Variants in LIPC observed in about 807,000 individuals in gnomAD.
The protein encoded by LIPC is lipase C, hepatic type, also known as hepatic triacylglycerol lipase.
LIPC carries 44 observed loss-of-function variants against 50.7 expected under a neutral mutation model. The observed-to-expected ratio is 0.87, with a 90% CI of 0.68 to 1.11. The LOEUF is 1.11. Ranked by LOEUF, LIPC falls within the 50% of genes most tolerant of loss-of-function variation. The pLI is 0.00. For synonymous variants in LIPC, 271 were observed against 256.4 expected (o/e 1.06, Z -0.54); for missense variants, 697 against 648.2 (o/e 1.08, Z -0.82).
At chr15:58,476,080 G>A (rs764131776) in intron 1 of LIPC, among the ~76,000 whole-genome samples, 5 of 152,216 alleles carry the variant, frequency 3.3e-5, no homozygotes, top group Non-Finnish European at 4.4e-5. Flanking sequence ...GACAACCTTA[G>A]GAAGAGAGCA....
chr15:58,557,494 C>G (rs1372770379), intron 6 of LIPC, among the ~76,000 whole-genome samples: 1 of 145,104 alleles, frequency 6.9e-6, no homozygotes, highest in Non-Finnish European at 1.5e-5. Context: ...ACACCATTCT[C>G]CTGCCTCAGC....
At chr15:58,459,936 T>C (rs1417231390) in intron 1 of LIPC, among the ~76,000 whole-genome samples, 1 of 152,120 alleles carries the variant, frequency 6.6e-6, no homozygotes, top group African/African-American at 2.4e-5. Context: ...AGTTGGTGGG[T>C]GCAGCAGGCT....
chr15:58,459,229 C>T (rs1314991359), intron 1 of LIPC, among the ~76,000 whole-genome samples: 1 of 152,132 alleles, frequency 6.6e-6, no homozygotes, highest in African/African-American at 2.4e-5. Flanking sequence ...GGGTCAAAGC[C>T]TAGTGAAACT....
intron 8 of LIPC, chr15:58,565,489 G>A (rs1254692978): frequency 7.2e-7 from 1 of 1,388,536 alleles, no homozygotes; most frequent in Non-Finnish European, 9.3e-7. Context: ...CACGGGGTGA[G>A]CATTGAAGCA....
At chr15:58,503,643 A>G (rs1281080761) in intron 1 of LIPC, among the ~76,000 whole-genome samples, 1 of 152,254 alleles carries the variant, frequency 6.6e-6, no homozygotes, top group Non-Finnish European at 1.5e-5. Flanking sequence ...TGTGAAGGGC[A>G]GGGTTCCACT....
At chr15:58,543,554 C>T (rs543949799) in intron 4 of LIPC, among the ~76,000 whole-genome samples, 34 of 152,312 alleles carry the variant, frequency 2.2e-4, no homozygotes, top group African/African-American at 6.7e-4. Context: ...CCAGCAGGCT[C>T]AAACAATATT....
At chr15:58,559,864 A>G (rs375459122) in intron 6 of LIPC, among the ~76,000 whole-genome samples, 8 of 152,190 alleles carry the variant, frequency 5.3e-5, no homozygotes, top group African/African-American at 1.9e-4. Context: ...AGGTAGGATA[A>G]TTTTCAAAAC....
At chr15:58,448,633 T>C (rs1442521407) in intron 1 of LIPC, among the ~76,000 whole-genome samples, 2 of 152,212 alleles carry the variant, frequency 1.3e-5, no homozygotes, top group African/African-American at 4.8e-5. Flanking sequence ...GCCTTCACCA[T>C]ATGCCAGGCC....
chr15:58,505,503 C>T (rs368286184), intron 1 of LIPC, among the ~76,000 whole-genome samples: 14 of 152,164 alleles, frequency 9.2e-5, no homozygotes, highest in East Asian at 3.8e-4. Flanking sequence ...GGTCTGCCAG[C>T]TTGGTAGGGA....
chr15:58,449,398 A>G (rs1387709957), intron 1 of LIPC, among the ~76,000 whole-genome samples: 1 of 152,174 alleles, frequency 6.6e-6, no homozygotes, highest in East Asian at 1.9e-4. Flanking sequence ...TCTGCCAAAG[A>G]CATGAAGATT....
intron 1 of LIPC, among the ~76,000 whole-genome samples, chr15:58,506,980 A>G (rs536284992): frequency 6.6e-6 from 1 of 152,256 alleles, no homozygotes; most frequent in South Asian, 2.1e-4. Flanking sequence ...AGAAATGCCC[A>G]GCGAAGGGGT....
At chr15:58,452,911 G>A (rs1893965238) in intron 1 of LIPC, among the ~76,000 whole-genome samples, 1 of 152,214 alleles carries the variant, frequency 6.6e-6, no homozygotes, top group African/African-American at 2.4e-5. Context: ...ATCTGCTGCT[G>A]GTGGCCTTGG....
intron 8 of LIPC, chr15:58,565,147 T>C (rs1217758823): frequency 4.0e-6 from 6 of 1,513,420 alleles, no homozygotes; most frequent in Non-Finnish European, 5.3e-6. Flanking sequence ...TCCTGGCAAT[T>C]ACTGAGAGCA....
At chr15:58,469,663 C>A (rs187499227) in intron 1 of LIPC, among the ~76,000 whole-genome samples, 296 of 152,346 alleles carry the variant, frequency 1.9e-3, no homozygotes, top group African/African-American at 6.8e-3. Context: ...CTCGGGAGGA[C>A]TGGCCACCAG....
intron 1 of LIPC, among the ~76,000 whole-genome samples, chr15:58,453,600 T>C (rs1893993074): frequency 6.6e-6 from 1 of 152,080 alleles, no homozygotes; most frequent in African/African-American, 2.4e-5. Flanking sequence ...CAACTCTCAT[T>C]ACAGAGTGTG....
At chr15:58,486,583 T>C (rs1243821669) in intron 1 of LIPC, among the ~76,000 whole-genome samples, 3 of 152,186 alleles carry the variant, frequency 2.0e-5, no homozygotes, top group South Asian at 4.1e-4. Context: ...TCAATGTTTG[T>C]GCAATGAACG....
intron 6 of LIPC, among the ~76,000 whole-genome samples, chr15:58,552,287 C>T (rs931533625): frequency 1.4e-4 from 21 of 152,228 alleles, no homozygotes; most frequent in Admixed American, 5.2e-4. Context: ...GAGACACACG[C>T]ACACACAGAG....
intron 1 of LIPC, among the ~76,000 whole-genome samples, chr15:58,499,217 G>T (rs59752567): frequency 0.095 from 14,479 of 152,268 alleles, 757 homozygotes; most frequent in East Asian, 0.2. Context: ...CCACCCCTAA[G>T]AATTTTGTAC....
At chr15:58,511,527 C>A (rs1595909443) in intron 1 of LIPC, among the ~76,000 whole-genome samples, 1 of 152,220 alleles carries the variant, frequency 6.6e-6, no homozygotes, top group Non-Finnish European at 1.5e-5. Flanking sequence ...CAGGCAAGTT[C>A]TCAGGGGAGA....
Sources: gnomAD v4.1 joint callset for allele counts (sites outside exome capture counted in the v4.1 genomes callset) on GRCh38, gnomAD v4.1.1 for gene constraint, MANE v1.5 for transcripts, NCBI Gene and HGNC (gene_info 2026-07-23, HGNC 2026-07-21) for gene names.